CEP112: variants seen among roughly 807,000 people sequenced by gnomAD.
The protein encoded by CEP112 is centrosomal protein 112.
A neutral mutation model predicts 153.0 loss-of-function variants in CEP112; 127 were observed. The ratio of observed to expected loss-of-function variants is 0.83; its 90% CI spans 0.72 to 0.96. CEP112 has a LOEUF of 0.96. CEP112 is among the 40% of genes least tolerant of loss of function. The pLI is 0.00. For missense variants in CEP112, 1,089 were observed against 1,101.2 expected (o/e 0.99, Z 0.16); for synonymous variants, 358 against 374.4 (o/e 0.96, Z 0.51).
intron 4 of CEP112, among the ~76,000 whole-genome samples, chr17:66,154,396 T>G (rs1432711599): frequency 6.6e-6 from 1 of 151,328 alleles, no homozygotes; most frequent in Non-Finnish European, 1.5e-5. Flanking sequence ...GAGCCTGTAA[T>G]CTCAGCTACT....
intron 24 of CEP112, among the ~76,000 whole-genome samples, chr17:65,654,456 C>T (rs774626216): frequency 2.0e-5 from 3 of 152,204 alleles, no homozygotes; most frequent in Non-Finnish European, 2.9e-5. Flanking sequence ...ACCGTTCCAC[C>T]GCAAGGGAGT....
intron 24 of CEP112, among the ~76,000 whole-genome samples, chr17:65,651,525 A>G (rs1480329018): frequency 6.6e-6 from 1 of 152,174 alleles, no homozygotes; most frequent in African/African-American, 2.4e-5. Context: ...ACTGTTTTCC[A>G]TAGTGGTTGT....
chr17:66,092,787 T>A (rs905559092), intron 8 of CEP112, among the ~76,000 whole-genome samples: 6 of 152,130 alleles, frequency 3.9e-5, no homozygotes, highest in Non-Finnish European at 7.4e-5. Flanking sequence ...ATCATCTCAG[T>A]AGATGTGGAA....
At chr17:65,892,517 G>A (rs2059503540) in intron 20 of CEP112, among the ~76,000 whole-genome samples, 1 of 150,552 alleles carries the variant, frequency 6.6e-6, no homozygotes, top group Non-Finnish European at 1.5e-5. Context: ...GGCAGTAGAT[G>A]ATGATTTTTT....
chr17:65,987,376 A>C (rs2063447396), intron 17 of CEP112, among the ~76,000 whole-genome samples: 1 of 152,190 alleles, frequency 6.6e-6, no homozygotes, highest in African/African-American at 2.4e-5. Context: ...CAAAAACAAC[A>C]CATGAAAATA....
intron 20 of CEP112, among the ~76,000 whole-genome samples, chr17:65,869,001 T>C (rs1409171980): frequency 6.6e-6 from 1 of 152,204 alleles, no homozygotes; most frequent in Admixed American, 6.5e-5. Context: ...AGGTAGCTGG[T>C]AACAGTAGAA....
chr17:65,930,315 G>C (rs1013924476), intron 18 of CEP112, among the ~76,000 whole-genome samples: 1 of 152,150 alleles, frequency 6.6e-6, no homozygotes, highest in Non-Finnish European at 1.5e-5. Context: ...CATTTATTCA[G>C]ACATGATTAG....
chr17:65,750,209 G>A lies in CEP112; in HGVS notation c.2457+453C>T, dbSNP rs147137148. Among the ~76,000 whole-genome samples the A allele has an allele frequency of 1.3e-3, 195 of 152,294 alleles. No individual in the cohort carries two copies. The Middle Eastern group carries it at 0.014, about 11-fold the overall frequency. ...CCTAAAAAGAGTCAACAGTTGAGCCGCAGACTTAACCTAGAATTATTTGTC... is the reference window on the plus strand; with the variant it reads ...CCTAAAAAGAGTCAACAGTTGAGCCACAGACTTAACCTAGAATTATTTGTC... On this transcript the variant is annotated intron_variant, in intron 22 of 26. Transcript: ENST00000535342.
chr17:65,750,187 A>G (rs1272402016), intron 22 of CEP112, among the ~76,000 whole-genome samples: 1 of 152,226 alleles, frequency 6.6e-6, no homozygotes, highest in East Asian at 1.9e-4. Context: ...TCTTTGTCCT[A>G]AAAAGAGTCA....
chr17:66,122,095 T>C (rs1598394370), intron 6 of CEP112, among the ~76,000 whole-genome samples: 1 of 152,162 alleles, frequency 6.6e-6, no homozygotes, highest in East Asian at 1.9e-4. Flanking sequence ...GGGGTTTCAC[T>C]ATGTTAGCCA....
chr17:66,048,362 G>T (rs1345921811), intron 12 of CEP112, among the ~76,000 whole-genome samples: 1 of 152,042 alleles, frequency 6.6e-6, no homozygotes, highest in Admixed American at 6.6e-5. Context: ...ATATATAAGA[G>T]CAGGCATGAC....
At chr17:66,147,599 T>A (rs1246415021) in intron 4 of CEP112, among the ~76,000 whole-genome samples, 1 of 152,152 alleles carries the variant, frequency 6.6e-6, no homozygotes, top group Non-Finnish European at 1.5e-5. Flanking sequence ...AAGACCAATG[T>A]CATAAAGCTT....
chr17:65,657,955 A>T (rs2046142467), intron 24 of CEP112, among the ~76,000 whole-genome samples: 1 of 152,240 alleles, frequency 6.6e-6, no homozygotes, highest in Non-Finnish European at 1.5e-5. Flanking sequence ...GAAGGTAGTA[A>T]AGGTTATGTC....
intron 5 of CEP112, among the ~76,000 whole-genome samples, chr17:66,131,464 G>A (rs974489276): frequency 5.3e-5 from 8 of 152,130 alleles, no homozygotes; most frequent in Non-Finnish European, 7.4e-5. Context: ...TGTGTTGGCC[G>A]GGGGCAGTGG....
intron 16 of CEP112, among the ~76,000 whole-genome samples, chr17:66,017,630 C>T (rs946094902): frequency 1.3e-5 from 2 of 151,938 alleles, no homozygotes; most frequent in Admixed American, 1.3e-4. Context: ...TAAGTAAACA[C>T]CAGAAAAGTG....
At chr17:65,822,572 G>T (rs2056645134) in intron 21 of CEP112, among the ~76,000 whole-genome samples, 1 of 151,890 alleles carries the variant, frequency 6.6e-6, no homozygotes, top group African/African-American at 2.4e-5. Context: ...TCCACGGTTG[G>T]TTGAACCCAT....
At chr17:65,847,744 A>G (rs1276035749) in intron 21 of CEP112, among the ~76,000 whole-genome samples, 1 of 152,234 alleles carries the variant, frequency 6.6e-6, no homozygotes, top group Non-Finnish European at 1.5e-5. Context: ...AGGTAATGCT[A>G]TGAGCTATGA....
At chr17:66,062,095 T>A (rs1310525505) in intron 11 of CEP112, among the ~76,000 whole-genome samples, 2 of 152,088 alleles carry the variant, frequency 1.3e-5, no homozygotes, top group African/African-American at 4.8e-5. Context: ...CCTCCTACCA[T>A]GACTGTAAGT....
At chr17:65,821,496 T>TTA (rs538859013) in intron 21 of CEP112, among the ~76,000 whole-genome samples, 1,439 of 121,272 alleles carry the variant, frequency 0.012, 28 homozygotes, top group Non-Finnish European at 0.015. Context: ...ATATATATAA[T>TTA]TATATATATA....
Sources: allele counts gnomAD v4.1 joint callset (sites outside exome capture counted in the v4.1 genomes callset), GRCh38; gene constraint gnomAD v4.1.1; transcripts MANE v1.5; gene names NCBI Gene and HGNC (gene_info 2026-07-23, HGNC 2026-07-21).